The following XPR1 variants were observed in gnomAD, a reference collection of about 807,000 sequenced individuals.
The protein encoded by XPR1 is solute carrier family 53 member 1.
Under a neutral mutation model 87.5 loss-of-function variants are expected in XPR1, and 28 were observed. The observed-to-expected ratio is 0.32, with a 90% CI of 0.24 to 0.44. XPR1 has a LOEUF of 0.44. Ranked by LOEUF, XPR1 falls within the 20% of genes least tolerant of loss-of-function variation. The probability of loss-of-function intolerance (pLI) is 1.00; values close to 1 mark genes in which losing one functional copy is unlikely to be tolerated. For synonymous variants in XPR1, 300 were observed against 306.1 expected (o/e 0.98, Z 0.21); for missense variants, 559 against 862.3 (o/e 0.65, Z 4.41).
chr1:180,887,482 A>G lies in XPR1; in HGVS notation c.*3416A>G, dbSNP rs962582072. The G allele has an allele frequency of 6.6e-6, 1 of 152,254 alleles. No homozygotes were observed. The highest frequency in any genetic ancestry group is 2.4e-5 in the African/African-American group (1 of 41,466). 9.4% of individuals were successfully genotyped at this position (152,254 alleles called of 1,614,324 possible). A position where few individuals can be genotyped will look rare whatever the true frequency, so the allele number is the denominator to read the frequency against. ...TATTTAAGGCTGCCTATACCATTAC[A>G]GTGGCGTAATTGGTGATTTCATAGC... On this transcript the variant is annotated 3_prime_UTR_variant, in exon 15 of 15. Transcript: ENST00000367590.
intron 2 of XPR1, among the ~76,000 whole-genome samples, chr1:180,712,177 A>G (rs1056523382): frequency 6.6e-6 from 1 of 152,260 alleles, no homozygotes; most frequent in Non-Finnish European, 1.5e-5. Flanking sequence ...TTATAACAGT[A>G]TGTCAGCATC....
chr1:180,863,980 T>C, intron 12 of XPR1, 106 bp downstream of exon 12: 1 of 899,256 alleles, frequency 1.1e-6, no homozygotes, highest in Admixed American at 4.0e-5. Flanking sequence ...TCTAATATAA[T>C]TAGAAAAATA....
rs368027238 is a variant in XPR1 at position 180,762,959 on chromosome 1, AT to A, written c.122-24788del. Among the ~76,000 whole-genome samples, 396 of 152,196 alleles carry A rather than the reference AT, an allele frequency of 2.6e-3. 2 individuals are homozygous for A. The highest frequency in any genetic ancestry group is 9.1e-3 in the African/African-American group (377 of 41,512). ...CAAAAAGGCATGGATCACCAGCGACATTTTTTCTGATTGGTTTCACAAACAT... is the reference window on the plus strand; with the variant it reads ...CAAAAAGGCATGGATCACCAGCGACATTTTTCTGATTGGTTTCACAAACAT... On this transcript the variant is annotated intron_variant, in intron 2 of 14. Transcript: ENST00000367590.
intron 2 of XPR1, among the ~76,000 whole-genome samples, chr1:180,772,645 T>C (rs534012603): frequency 1.3e-5 from 2 of 152,322 alleles, no homozygotes; most frequent in East Asian, 1.9e-4. Context: ...TTTCCCATGC[T>C]CTTCTCATGA....
chr1:180,636,940 T>C (rs1654796124), intron 1 of XPR1, among the ~76,000 whole-genome samples: 1 of 150,864 alleles, frequency 6.6e-6, no homozygotes, highest in African/African-American at 2.4e-5. Flanking sequence ...TAGTCCCACC[T>C]ACGCGGGAGA....
chr1:180,682,957 C>CT (rs1483579202), intron 2 of XPR1, among the ~76,000 whole-genome samples: 2 of 151,612 alleles, frequency 1.3e-5, no homozygotes, highest in African/African-American at 4.8e-5. Context: ...GCTGGATATT[C>CT]TTTTTTATTT....
chr1:180,685,573 C>T (rs1571722471), intron 2 of XPR1, among the ~76,000 whole-genome samples: 1 of 152,080 alleles, frequency 6.6e-6, no homozygotes, highest in Non-Finnish European at 1.5e-5. Context: ...ACCAGCTCCT[C>T]TTTGTACCTC....
At chr1:180,856,908 C>G (rs1652050349) in intron 11 of XPR1, among the ~76,000 whole-genome samples, 2 of 152,202 alleles carry the variant, frequency 1.3e-5, no homozygotes, top group African/African-American at 4.8e-5. Flanking sequence ...CCAGCTACAT[C>G]AGTCTGTTGA....
At chr1:180,688,905 G>C (rs1243231646) in intron 2 of XPR1, among the ~76,000 whole-genome samples, 1 of 151,674 alleles carries the variant, frequency 6.6e-6, no homozygotes, top group Non-Finnish European at 1.5e-5. Context: ...GGATACTTTT[G>C]AAATTAGATA....
chr1:180,771,652 C>T (rs759450537), intron 2 of XPR1, among the ~76,000 whole-genome samples: 85 of 152,188 alleles, frequency 5.6e-4, no homozygotes, highest in African/African-American at 4.1e-4. Flanking sequence ...CACTTTGATG[C>T]GTATTGTGCT....
chr1:180,635,336 A>T (rs190353591), intron 1 of XPR1, among the ~76,000 whole-genome samples: 5 of 152,324 alleles, frequency 3.3e-5, no homozygotes, highest in Admixed American at 6.5e-5. Context: ...AGCTTTTTTA[A>T]AATTTAGAAT....
intron 11 of XPR1, among the ~76,000 whole-genome samples, chr1:180,847,602 T>G (rs1384883402): frequency 6.6e-6 from 1 of 152,174 alleles, no homozygotes; most frequent in Non-Finnish European, 1.5e-5. Context: ...CTATAACTGG[T>G]GTTAATTGGT....
intron 2 of XPR1, among the ~76,000 whole-genome samples, chr1:180,706,367 A>G (rs1253325255): frequency 6.6e-6 from 1 of 152,214 alleles, no homozygotes; most frequent in African/African-American, 2.4e-5. Flanking sequence ...TGATTCTTAC[A>G]GCTGTGTCAT....
chr1:180,781,899 G>A (rs941862004), intron 2 of XPR1, among the ~76,000 whole-genome samples: 3 of 151,898 alleles, frequency 2.0e-5, no homozygotes, highest in South Asian at 2.1e-4. Flanking sequence ...AGGTTCAAGC[G>A]AAGAATCATT....
chr1:180,632,287 G>C lies in XPR1; in HGVS notation c.69+17G>C. 1.9e-6 allele frequency: 3 copies of C among 1,608,336 alleles called. No individual in the cohort carries two copies. Among genetic ancestry groups the C allele is most frequent in the Admixed American group, 3.4e-5 (2 of 59,430 alleles). On this transcript the variant is annotated intron_variant, in intron 1 of 14. Coordinates refer to ENST00000367590, the MANE Select transcript of XPR1 (RefSeq NM_004736.4). The stretch of plus-strand genomic sequence containing the variant: ...CAGTATGAGGTACCGGCACGGCTGG[G>C]GTGTGGGAGGACTCGGAGGGGCCAC...
At chr1:180,767,906 G>T (rs1449703844) in intron 2 of XPR1, among the ~76,000 whole-genome samples, 5 of 151,698 alleles carry the variant, frequency 3.3e-5, no homozygotes, top group African/African-American at 7.3e-5. Flanking sequence ...GTGCAGTGGC[G>T]CAATCTCGGC....
chr1:180,641,369 T>C (rs1490247244), intron 1 of XPR1, among the ~76,000 whole-genome samples: 1 of 152,208 alleles, frequency 6.6e-6, no homozygotes, highest in Non-Finnish European at 1.5e-5. Context: ...AAAGTGAGAC[T>C]CAAAGCTTGT....
At chr1:180,857,324 A>G (rs1353988240) in intron 11 of XPR1, among the ~76,000 whole-genome samples, 12 of 152,176 alleles carry the variant, frequency 7.9e-5, no homozygotes, top group African/African-American at 2.7e-4. Flanking sequence ...GTGTGAAATC[A>G]TCATCTTTAC....
chr1:180,741,622 G>A (rs935139335), intron 2 of XPR1, among the ~76,000 whole-genome samples: 5 of 151,758 alleles, frequency 3.3e-5, no homozygotes, highest in African/African-American at 1.2e-4. Context: ...GAGTAGCTGG[G>A]ATTACAGGTA....
Sources: gnomAD v4.1 joint callset for allele counts (sites outside exome capture counted in the v4.1 genomes callset) on GRCh38, gnomAD v4.1.1 for gene constraint, MANE v1.5 for transcripts, NCBI Gene and HGNC (gene_info 2026-07-23, HGNC 2026-07-21) for gene names.